LRP1B: variants seen among roughly 807,000 people sequenced by gnomAD.
The protein encoded by LRP1B is low-density lipoprotein receptor-related protein 1B.
In LRP1B, 217 loss-of-function variants were observed where a neutral mutation model predicts 556.6. The observed-to-expected ratio is 0.39, with a 90% CI of 0.35 to 0.44. The LOEUF is 0.44. Ranked by LOEUF, LRP1B falls within the 20% of genes least tolerant of loss-of-function variation. LRP1B has a pLI of 1.00. For missense variants in LRP1B, 5,053 were observed against 5,620.8 expected (o/e 0.90, Z 3.23); for synonymous variants, 2,047 against 1,865.8 (o/e 1.10, Z -2.50).
chr2:140,287,175 C>A (rs1683183741), intron 84 of LRP1B, among the ~76,000 whole-genome samples: 2 of 151,688 alleles, frequency 1.3e-5, no homozygotes, highest in African/African-American at 2.4e-5. Context: ...CAACAAAATT[C>A]AAAAATCCAC....
intron 22 of LRP1B, among the ~76,000 whole-genome samples, chr2:140,905,314 T>G (rs141741245): frequency 5.3e-5 from 8 of 152,088 alleles, no homozygotes; most frequent in African/African-American, 1.9e-4. Context: ...CTACGTCCCT[T>G]GAATGACCCC....
Position 140,371,227 on chromosome 2 carries a change from T to A in LRP1B, c.10827A>T (p.Ala3609=). The stretch of plus-strand genomic sequence containing the variant: ...CATATTCTCCATTACATTTCAAAGA[T>A]GCTGAAATACATCCATCACTGGCAC... ...YICASDGCIS[A]SLKCNGEYDC... is the part of the protein sequence containing the mutation. The change falls in exon 70 of 91, where the codon GCA becomes GCT. Residue 3609 remains alanine (A), a synonymous_variant. Transcript: ENST00000389484. 6.3e-7 allele frequency: 1 copy of A among 1,598,116 alleles called. No individual in the cohort carries two copies. Among genetic ancestry groups the A allele is most frequent in the South Asian group, 1.1e-5 (1 of 88,354 alleles).
chr2:141,869,152 C>G (rs555959959), intron 1 of LRP1B, among the ~76,000 whole-genome samples: 1 of 151,976 alleles, frequency 6.6e-6, no homozygotes, highest in Non-Finnish European at 1.5e-5. Context: ...CAGTGCCATC[C>G]GATAGAATGT....
At chr2:141,033,275 A>G (rs372650548) in intron 11 of LRP1B, among the ~76,000 whole-genome samples, 2 of 151,988 alleles carry the variant, frequency 1.3e-5, no homozygotes, top group South Asian at 2.1e-4. Context: ...ATGAGAACAG[A>G]GAAGCAGTCA....
chr2:141,700,695 C>G (rs1483042738), intron 2 of LRP1B, among the ~76,000 whole-genome samples: 1 of 151,704 alleles, frequency 6.6e-6, no homozygotes. Flanking sequence ...AAACCAGAAT[C>G]CCTTTTCCCA....
At chr2:142,104,215 T>C (rs1706669678) in intron 1 of LRP1B, among the ~76,000 whole-genome samples, 1 of 152,112 alleles carries the variant, frequency 6.6e-6, no homozygotes, top group East Asian at 1.9e-4. Context: ...CAAGGGGAAC[T>C]GGAAGGAAGG....
chr2:140,685,306 T>C (rs1686009780), intron 41 of LRP1B, among the ~76,000 whole-genome samples: 1 of 152,286 alleles, frequency 6.6e-6, no homozygotes, highest in Middle Eastern at 3.4e-3. Flanking sequence ...GAAATAAAGA[T>C]AAAGACTCAA....
intron 49 of LRP1B, among the ~76,000 whole-genome samples, chr2:140,519,822 C>A (rs12993376): frequency 0.73 from 111,698 of 152,044 alleles, 41,550 homozygotes; most frequent in Middle Eastern, 0.88. Flanking sequence ...GACACTTCTC[C>A]AAAGAAGACA....
At chr2:141,890,121 T>A (rs1699238638) in intron 1 of LRP1B, among the ~76,000 whole-genome samples, 1 of 151,858 alleles carries the variant, frequency 6.6e-6, no homozygotes, top group Non-Finnish European at 1.5e-5. Flanking sequence ...TCTATCTTAT[T>A]TTAGATGTTA....
At chr2:141,618,971 T>G (rs11681602) in intron 2 of LRP1B, among the ~76,000 whole-genome samples, 21,116 of 152,218 alleles carry the variant, frequency 0.14, 1,608 homozygotes, top group South Asian at 0.25. Context: ...TCAAGTGAAT[T>G]GCATTAAAGT....
At chr2:141,330,918 A>C (rs1232525298) in intron 3 of LRP1B, among the ~76,000 whole-genome samples, 1 of 151,870 alleles carries the variant, frequency 6.6e-6, no homozygotes, top group Admixed American at 6.6e-5. Context: ...ACGCCGGGCT[A>C]ATTTTTTTGG....
At chr2:142,082,682 T>C (rs1270776091) in intron 1 of LRP1B, among the ~76,000 whole-genome samples, 1 of 152,244 alleles carries the variant, frequency 6.6e-6, no homozygotes, top group Non-Finnish European at 1.5e-5. Context: ...CACTTCTCTC[T>C]CAGCTTTTCC....
At chr2:141,541,992 T>C (rs1475270519) in intron 2 of LRP1B, among the ~76,000 whole-genome samples, 1 of 152,068 alleles carries the variant, frequency 6.6e-6, no homozygotes, top group African/African-American at 2.4e-5. Flanking sequence ...ATAGCTTTGC[T>C]TTTTTGGCAT....
intron 7 of LRP1B, among the ~76,000 whole-genome samples, chr2:141,178,876 G>T (rs184514365): frequency 6.6e-6 from 1 of 152,090 alleles, no homozygotes; most frequent in Admixed American, 6.6e-5. Flanking sequence ...GAGAAAAGCT[G>T]CCCATCAGCA....
At chr2:141,662,031 A>G (rs894381422) in intron 2 of LRP1B, among the ~76,000 whole-genome samples, 1 of 152,214 alleles carries the variant, frequency 6.6e-6, no homozygotes, top group African/African-American at 2.4e-5. Flanking sequence ...AATTTTAGAC[A>G]TTCTTAAAGA....
intron 2 of LRP1B, among the ~76,000 whole-genome samples, chr2:141,668,875 T>G (rs1447495302): frequency 6.6e-6 from 1 of 152,120 alleles, no homozygotes; most frequent in Non-Finnish European, 1.5e-5. Context: ...CAAAAGTGCT[T>G]GTCCTGGCTC....
At chr2:140,332,294 C>T (rs1680854698) in intron 79 of LRP1B, among the ~76,000 whole-genome samples, 1 of 150,818 alleles carries the variant, frequency 6.6e-6, no homozygotes, top group African/African-American at 2.5e-5. Context: ...TACAATTCTG[C>T]ATATGCCTCA....
At chr2:140,670,897 C>A (rs72979863) in intron 41 of LRP1B, among the ~76,000 whole-genome samples, 2,747 of 152,226 alleles carry the variant, frequency 0.018, 82 homozygotes, top group African/African-American at 0.062. Flanking sequence ...GATGCAGAAA[C>A]TGAAAATGTA....
intron 33 of LRP1B, among the ~76,000 whole-genome samples, chr2:140,772,365 AG>A (rs1689343312): frequency 6.6e-6 from 1 of 152,070 alleles, no homozygotes; most frequent in African/African-American, 2.4e-5. Context: ...GCTGAAGTGC[AG>A]TGGTGCAATC....
Sources: gnomAD v4.1 joint callset for allele counts (sites outside exome capture counted in the v4.1 genomes callset) on GRCh38, gnomAD v4.1.1 for gene constraint, MANE v1.5 for transcripts, NCBI Gene and HGNC (gene_info 2026-07-23, HGNC 2026-07-21) for gene names.